VAV2: variants seen among roughly 807,000 people sequenced by gnomAD.
The protein encoded by VAV2 is vav guanine nucleotide exchange factor 2.
VAV2 carries 67 observed loss-of-function variants against 132.5 expected under a neutral mutation model. The observed-to-expected ratio is 0.51, with a 90% CI of 0.42 to 0.62. The LOEUF (loss-of-function observed/expected upper bound fraction) is 0.62. VAV2 is among the 20% of genes least tolerant of loss of function. The pLI, the probability that VAV2 is intolerant of heterozygous loss-of-function variation, is 0.00. For synonymous variants in VAV2, 492 were observed against 443.5 expected, an observed-to-expected ratio of 1.11 and a Z score of -1.37; for missense variants, 938 against 1,153.6, an observed-to-expected ratio of 0.81 and a Z score of 2.71.
intron 1 of VAV2, among the ~76,000 whole-genome samples, chr9:133,978,994 G>C (rs980963818): frequency 2.6e-5 from 4 of 152,196 alleles, no homozygotes; most frequent in Admixed American, 6.5e-5. Context: ...CTGGGTTTAG[G>C]GTCTCCTCCA....
chr9:133,924,361 A>T (rs1240173400), intron 2 of VAV2, among the ~76,000 whole-genome samples: 1 of 151,904 alleles, frequency 6.6e-6, no homozygotes, highest in Non-Finnish European at 1.5e-5. Flanking sequence ...TAATTTTTGT[A>T]TTTTTAGTAG....
In VAV2 at chr9:133,991,757, G is replaced by A. The variant is rs1353319997; in HGVS notation, c.204+318C>T. 9.2e-5 allele frequency among the ~76,000 whole-genome samples: 14 copies of A among 151,396 alleles called. No homozygotes were observed. The East Asian group carries it at 2.7e-3, about 29-fold the overall frequency. ...CCTGGGAAATGAGGGGCCACTCGCA[G>A]GGCCCCGCAGAGCGAGCGCAGCGCC... On this transcript the variant is annotated intron_variant, in intron 1 of 29. Transcript: ENST00000371850. This position sits in a 1 kb window ranked among gnomAD's most constrained non-coding sequence, Gnocchi z 4.8.
In VAV2 at chr9:133,848,235, G is replaced by A. The variant is rs191657653; in HGVS notation, c.380+13139C>T. ...GCGGAGCTTGCAGTGAGCCGAGATC[G>A]CGCCATTGCACTCCAGCCTGGGCGA... On this transcript the variant is annotated intron_variant, in intron 3 of 29. Transcript: ENST00000371850. 6.4e-4 allele frequency among the ~76,000 whole-genome samples: 90 copies of A among 141,384 alleles called. 1 individual carries two copies. Among genetic ancestry groups the A allele is most frequent in the Non-Finnish European group, 9.8e-4 (65 of 66,382 alleles). The allele number at this position is 141,384 out of a possible 152,430, so 92.8% of individuals were successfully genotyped here. A position where few individuals can be genotyped will look rare whatever the true frequency, so the allele number is the denominator to read the frequency against.
At chr9:133,864,518 T>C in intron 2 of VAV2, among the ~76,000 whole-genome samples, 1 of 152,224 alleles carries the variant, frequency 6.6e-6, no homozygotes. Flanking sequence ...TGGCCTGCTC[T>C]GACCTCAGGT....
intron 2 of VAV2, chr9:133,925,982 T>A (rs1487699504): frequency 7.6e-6 from 1 of 131,570 alleles, no homozygotes; most frequent in South Asian, 2.4e-4. Context: ...TAAAACTTAA[T>A]TAACTGTGGA....
At chr9:133,987,788 G>T (rs1588232794) in intron 1 of VAV2, among the ~76,000 whole-genome samples, 1 of 152,210 alleles carries the variant, frequency 6.6e-6, no homozygotes. Context: ...TCTCGTTAGG[G>T]TCAGCAGATT....
intron 2 of VAV2, among the ~76,000 whole-genome samples, chr9:133,927,012 C>T (rs761856555): frequency 4.6e-5 from 7 of 152,180 alleles, no homozygotes; most frequent in South Asian, 4.1e-4. Context: ...CACAGACACC[C>T]GCAGCACTTC....
chr9:133,867,230 G>C (rs1405559021), intron 2 of VAV2, among the ~76,000 whole-genome samples: 1 of 152,228 alleles, frequency 6.6e-6, no homozygotes, highest in African/African-American at 2.4e-5. Context: ...GCCAAGGCCA[G>C]CATCAAGGCT....
intron 1 of VAV2, among the ~76,000 whole-genome samples, chr9:133,956,862 G>A (rs931839830): frequency 6.6e-6 from 1 of 152,228 alleles, no homozygotes; most frequent in African/African-American, 2.4e-5. Flanking sequence ...AGCCCTCTGT[G>A]GGGGACAGGC....
chr9:133,923,432 A>G (rs555968676), intron 2 of VAV2, among the ~76,000 whole-genome samples: 16 of 152,352 alleles, frequency 1.1e-4, no homozygotes, highest in African/African-American at 3.8e-4. Flanking sequence ...GCAAATCAAA[A>G]CCACAATGAG....
rs559835640 is a variant in VAV2 at position 133,928,554 on chromosome 9, C to T, written c.321+10549G>A. Among the ~76,000 whole-genome samples, 4 of 152,330 alleles carry T rather than the reference C, an allele frequency of 2.6e-5. No homozygotes were observed. Among genetic ancestry groups the T allele is most frequent in the Non-Finnish European group, 5.9e-5 (4 of 68,042 alleles). On this transcript the variant is annotated intron_variant, in intron 2 of 29. Transcript: ENST00000371850. This position sits in a 1 kb window ranked among gnomAD's most constrained non-coding sequence, Gnocchi z 5.4. ...GCATTAGCATCTCAGAGTCATCAGA[C>T]CGACTGGCAGAAAGGCCTCGGGTGA...
chr9:133,950,703 C>G (rs637521), intron 1 of VAV2, among the ~76,000 whole-genome samples: 1 of 152,028 alleles, frequency 6.6e-6, no homozygotes, highest in South Asian at 2.1e-4. Flanking sequence ...TTAGCCCAGA[C>G]GCACGCCTGC....
At chr9:133,937,507 A>AGTGT (rs149557419) in intron 2 of VAV2, among the ~76,000 whole-genome samples, 12 of 149,542 alleles carry the variant, frequency 8.0e-5, no homozygotes, top group Admixed American at 2.0e-4. Flanking sequence ...TGTGCGTGTG[A>AGTGT]GTGTGTGTGC....
rs1836407928 is a variant in VAV2 at position 133,834,960 on chromosome 9, G to A, written c.381-620C>T. On this transcript the variant is annotated intron_variant, in intron 3 of 29. Transcript: ENST00000371850. The surrounding 1 kb of genome is among the most constrained non-coding windows in gnomAD (Gnocchi z 5.9). The stretch of plus-strand genomic sequence containing the variant: ...CTACAAAGGGAGCAGAAGCCCCATG[G>A]GGTCTCCCCAGAAGGAACGCGGCGG... Among the ~76,000 whole-genome samples the A allele has an allele frequency of 6.6e-6, 1 of 152,140 alleles. No individual in the cohort carries two copies. The highest frequency in any genetic ancestry group is 2.4e-5 in the African/African-American group (1 of 41,420).
At chr9:133,814,571 G>T (rs909574545) in intron 4 of VAV2, among the ~76,000 whole-genome samples, 2 of 152,382 alleles carry the variant, frequency 1.3e-5, no homozygotes, top group Admixed American at 1.3e-4. Context: ...GTGGAAGGAG[G>T]GGGGTTGGCC....
chr9:133,948,052 A>G (rs1445563281), intron 1 of VAV2, among the ~76,000 whole-genome samples: 2 of 152,004 alleles, frequency 1.3e-5, no homozygotes, highest in Non-Finnish European at 1.5e-5. Context: ...CGGCCTCCCA[A>G]AGTGCTGGGA....
At chr9:133,816,945 CAAGACTGATT>C (rs1354884818) in intron 4 of VAV2, among the ~76,000 whole-genome samples, 2 of 152,200 alleles carry the variant, frequency 1.3e-5, no homozygotes, top group African/African-American at 4.8e-5. Flanking sequence ...TGTTCTTCTA[CAAGACTGATT>C]AAGCCATTCC....
chr9:133,984,500 C>A (rs1588225668), intron 1 of VAV2, among the ~76,000 whole-genome samples: 1 of 152,268 alleles, frequency 6.6e-6, no homozygotes, highest in East Asian at 1.9e-4. Context: ...GTAGTCCCAG[C>A]TACTTGGGAG....
At chr9:133,980,394 G>C (rs1228683377) in intron 1 of VAV2, among the ~76,000 whole-genome samples, 1 of 152,182 alleles carries the variant, frequency 6.6e-6, no homozygotes, top group Non-Finnish European at 1.5e-5. Flanking sequence ...CAGGGGAGGT[G>C]CCAGTGCTGG....
Sources: allele counts gnomAD v4.1 joint callset (sites outside exome capture counted in the v4.1 genomes callset), GRCh38; gene constraint gnomAD v4.1.1; non-coding constraint Gnocchi (gnomAD v3.1); transcripts MANE v1.5; gene names NCBI Gene and HGNC (gene_info 2026-07-23, HGNC 2026-07-21).